Variants in FAT4 observed in about 807,000 individuals in gnomAD.
The protein encoded by FAT4 is protocadherin Fat 4.
Under a neutral mutation model 303.9 loss-of-function variants are expected in FAT4, and 84 were observed. The observed-to-expected ratio is 0.28, with a 90% confidence interval of 0.23 to 0.33. The LOEUF is 0.33. Ranked by LOEUF, FAT4 falls within the 10% of genes least tolerant of loss-of-function variation. The pLI is 1.00. For synonymous variants in FAT4, 2,307 were observed against 2,298.8 expected (o/e 1.00, Z -0.10); for missense variants, 6,005 against 6,146.8 (o/e 0.98, Z 0.77).
chr4:125,329,267 A>T (rs1244042825), intron 2 of FAT4, among the ~76,000 whole-genome samples: 1 of 152,066 alleles, frequency 6.6e-6, no homozygotes, highest in East Asian at 1.9e-4. Flanking sequence ...GGCCCCTGCC[A>T]CTCCAGTGAA....
intron 15 of FAT4, among the ~76,000 whole-genome samples, chr4:125,480,729 T>C (rs1331761258): frequency 6.6e-6 from 1 of 152,106 alleles, no homozygotes; most frequent in Non-Finnish European, 1.5e-5. Flanking sequence ...TACTGTCATG[T>C]GATTTTCAAT....
chr4:125,478,085 C>A (rs1727096362), intron 14 of FAT4, among the ~76,000 whole-genome samples: 1 of 152,074 alleles, frequency 6.6e-6, no homozygotes, highest in African/African-American at 2.4e-5. Flanking sequence ...ATACCAATTA[C>A]CCTGTGATGA....
chr4:125,446,161 C>A (rs1725818674), intron 8 of FAT4, 132 bp from the exon 9 acceptor site: 1 of 741,676 alleles, frequency 1.3e-6, no homozygotes, highest in Non-Finnish European at 2.1e-6. Context: ...TAGTTGTATT[C>A]TTTCCAACAT....
chr4:125,466,268 A>C (rs1726659184), intron 11 of FAT4, among the ~76,000 whole-genome samples: 1 of 152,146 alleles, frequency 6.6e-6, no homozygotes, highest in Admixed American at 6.5e-5. Context: ...AAATATTTTA[A>C]ATTCCATAAA....
In FAT4 at chr4:125,491,826, A is replaced by G; in HGVS notation, c.*58A>G. 2.0e-6 allele frequency: 3 copies of G among 1,484,416 alleles called. No individual in the cohort carries two copies. Among genetic ancestry groups the G allele is most frequent in the Non-Finnish European group, 2.7e-6 (3 of 1,114,562 alleles). The allele number at this position is 1,484,416 out of a possible 1,614,324, so 92.0% of individuals were successfully genotyped here. A position where few individuals can be genotyped will look rare whatever the true frequency, so the allele number is the denominator to read the frequency against. ...CAAGAAATAATACTCAAACCATTGT[A>G]AAGTTGCTGACTAGGTTGGGTCACA... On this transcript the variant is annotated 3_prime_UTR_variant, in exon 18 of 18. Coordinates refer to ENST00000394329, the MANE Select transcript of FAT4 (RefSeq NM_001291303.3).
At chr4:125,355,816 C>A (rs17009520) in intron 2 of FAT4, among the ~76,000 whole-genome samples, 9,125 of 151,786 alleles carry the variant, frequency 0.06, 409 homozygotes, top group East Asian at 0.19. Flanking sequence ...ATGATGATGA[C>A]AAAGTTGATT....
chr4:125,341,315 T>C (rs547773642), intron 2 of FAT4, among the ~76,000 whole-genome samples: 1 of 152,248 alleles, frequency 6.6e-6, no homozygotes, highest in Non-Finnish European at 1.5e-5. Context: ...TATGAGGTGT[T>C]TTTAAAAGAG....
At chr4:125,391,760 C>G (rs770759802) in intron 2 of FAT4, among the ~76,000 whole-genome samples, 1 of 152,044 alleles carries the variant, frequency 6.6e-6, no homozygotes, top group Non-Finnish European at 1.5e-5. Flanking sequence ...AGCATGTTCC[C>G]ACACAAAAAC....
intron 9 of FAT4, among the ~76,000 whole-genome samples, chr4:125,448,063 A>G (rs1725889464): frequency 6.6e-6 from 1 of 152,122 alleles, no homozygotes; most frequent in Non-Finnish European, 1.5e-5. Flanking sequence ...CAACGGTATC[A>G]TTGCATTGGG....
In FAT4 at chr4:125,452,358, C is replaced by A. The variant is rs745386779; in HGVS notation, c.11348C>A (p.Thr3783Asn). ...NQYVNPSGVA[T>N]FFESIKEILL... ...TATGTGAATCCCAGTGGCGTAGCCA[C>A]CTTCTTTGAAAGCATCAAAGAGATC... Residue 3783 changes from threonine to asparagine, a missense_variant, in exon 10 of 18, where the codon ACC becomes AAC. Thr to Asn is a moderately conservative substitution (Grantham distance 65, BLOSUM62 0). Coordinates refer to ENST00000394329, the MANE Select transcript of FAT4 (RefSeq NM_001291303.3). 2 of 1,614,200 alleles carry A rather than the reference C, an allele frequency of 1.2e-6. No individual in the cohort carries two copies. Among genetic ancestry groups the A allele is most frequent in the Non-Finnish European group, 1.7e-6 (2 of 1,180,030 alleles).
chr4:125,372,202 A>G (rs911202932), intron 2 of FAT4, among the ~76,000 whole-genome samples: 2 of 152,052 alleles, frequency 1.3e-5, no homozygotes, highest in African/African-American at 4.8e-5. Context: ...AGAAAAAAGA[A>G]AAAAGGAAAA....
intron 2 of FAT4, chr4:125,394,089 A>G (rs1203659391): frequency 1.4e-6 from 1 of 719,590 alleles, no homozygotes; most frequent in Non-Finnish European, 2.6e-6. Flanking sequence ...CCAGATATCT[A>G]AGCACAAAGG....
chr4:125,352,992 C>G (rs2125979620), intron 2 of FAT4, among the ~76,000 whole-genome samples: 1 of 151,808 alleles, frequency 6.6e-6, no homozygotes, highest in East Asian at 1.9e-4. Context: ...CTGGTTAGCC[C>G]TCTTCTGTAT....
At chr4:125,366,492 C>G (rs1423192521) in intron 2 of FAT4, among the ~76,000 whole-genome samples, 1 of 151,518 alleles carries the variant, frequency 6.6e-6, no homozygotes, top group South Asian at 2.1e-4. Context: ...TATTTTTAAT[C>G]TGGTCTACCA....
At chr4:125,396,953 TATATATATATATA>T (rs1734206744) in intron 2 of FAT4, among the ~76,000 whole-genome samples, 1 of 91,082 alleles carries the variant, frequency 1.1e-5, no homozygotes, top group Admixed American at 1.0e-4. Flanking sequence ...TATATATATA[TATATATATATATA>T]AAATATGTAT....
At chr4:125,486,771 C>A (rs1727426031) in intron 16 of FAT4, among the ~76,000 whole-genome samples, 1 of 152,130 alleles carries the variant, frequency 6.6e-6, no homozygotes. Context: ...AGAATTCACT[C>A]TTTGTTCATC....
In FAT4 at chr4:125,452,374, C is replaced by T; in HGVS notation, c.11364C>T (p.Ile3788=). The change falls in exon 10 of 18, where the codon ATC becomes ATT. Residue 3788 remains isoleucine (I), a synonymous_variant. Transcript: ENST00000394329. ...GCGTAGCCACCTTCTTTGAAAGCAT[C>T]AAAGAGATCCTTCTCCGGCAGAGTG... ...PSGVATFFES[I]KEILLRQSGV... 1 of 1,614,192 alleles carries T rather than the reference C, an allele frequency of 6.2e-7. No individual in the cohort carries two copies. Among genetic ancestry groups the T allele is most frequent in the African/African-American group, 1.3e-5 (1 of 75,062 alleles).
chr4:125,393,679 C>T (rs1054526060), intron 2 of FAT4, among the ~76,000 whole-genome samples: 2 of 152,174 alleles, frequency 1.3e-5, no homozygotes, highest in African/African-American at 4.8e-5. Flanking sequence ...TTTGACCCTT[C>T]AGCAAGCTGA....
chr4:125,430,311 A>G (rs1725242104), intron 7 of FAT4, among the ~76,000 whole-genome samples: 2 of 152,176 alleles, frequency 1.3e-5, no homozygotes, highest in Non-Finnish European at 1.5e-5. Context: ...TGCAGTGAAA[A>G]TAAGATTCAC....
Sources: allele counts gnomAD v4.1 joint callset (sites outside exome capture counted in the v4.1 genomes callset), GRCh38; gene constraint gnomAD v4.1.1; transcripts MANE v1.5; gene names NCBI Gene and HGNC (gene_info 2026-07-23, HGNC 2026-07-21).